The following CTNND2 variants were observed in gnomAD, a reference collection of about 807,000 sequenced individuals.
The protein encoded by CTNND2 is catenin delta 2.
A neutral mutation model predicts 144.4 loss-of-function variants in CTNND2; 22 were observed. That is an observed-to-expected ratio of 0.15 (90% CI 0.11 to 0.22). The LOEUF (loss-of-function observed/expected upper bound fraction) is 0.22. CTNND2 is among the 10% of genes least tolerant of loss of function. The probability of loss-of-function intolerance (pLI) is 1.00; values close to 1 mark genes in which losing one functional copy is unlikely to be tolerated. For synonymous variants in CTNND2, 751 were observed against 695.6 expected (o/e 1.08, Z -1.25); for missense variants, 1,353 against 1,618.8 (o/e 0.84, Z 2.82).
chr5:11,525,298 C>T (rs1188206926), intron 3 of CTNND2, among the ~76,000 whole-genome samples: 2 of 152,074 alleles, frequency 1.3e-5, no homozygotes, highest in East Asian at 3.9e-4. Flanking sequence ...TAGTCCCTTC[C>T]CCAGGAGGCT....
chr5:11,284,278 A>G (rs1312961560), intron 9 of CTNND2, among the ~76,000 whole-genome samples: 1 of 151,528 alleles, frequency 6.6e-6, no homozygotes, highest in Non-Finnish European at 1.5e-5. Context: ...TTTTTATTTT[A>G]TTTTTTTAAG....
At chr5:11,760,533 A>C (rs1308069650) in intron 1 of CTNND2, among the ~76,000 whole-genome samples, 1 of 152,170 alleles carries the variant, frequency 6.6e-6, no homozygotes, top group African/African-American at 2.4e-5. Context: ...GCCACTGAAA[A>C]ATGCCGTGGT....
intron 3 of CTNND2, among the ~76,000 whole-genome samples, chr5:11,541,879 C>T (rs1275394587): frequency 1.4e-5 from 2 of 141,324 alleles, no homozygotes; most frequent in Admixed American, 1.4e-4. Context: ...ACTTTTATTC[C>T]TAATTGCTTC....
In CTNND2 at chr5:11,353,579, C is replaced by T. The variant is rs536581847; in HGVS notation, c.1373-6952G>A. Among the ~76,000 whole-genome samples the T allele has an allele frequency of 3.3e-5, 5 of 152,122 alleles. No individual in the cohort carries two copies. The East Asian group carries it at 7.7e-4, about 24-fold the overall frequency. ...CAGCACTTTGGGAGGCCAAGGTGGGCGGATCACGAGGTCAGGAGTTCGAGA... is the reference window on the plus strand; with the variant it reads ...CAGCACTTTGGGAGGCCAAGGTGGGTGGATCACGAGGTCAGGAGTTCGAGA... On this transcript the variant is annotated intron_variant, in intron 8 of 21. Transcript: ENST00000304623.
At chr5:11,651,753 G>A (rs1477665527) in intron 2 of CTNND2, among the ~76,000 whole-genome samples, 1 of 152,210 alleles carries the variant, frequency 6.6e-6, no homozygotes, top group Non-Finnish European at 1.5e-5. Flanking sequence ...GACCTGCTGG[G>A]TTTCAGACTT....
At chr5:11,160,789 T>C (rs975124991) in intron 11 of CTNND2, among the ~76,000 whole-genome samples, 2 of 152,238 alleles carry the variant, frequency 1.3e-5, no homozygotes, top group Non-Finnish European at 2.9e-5. Flanking sequence ...TGCGATTTTG[T>C]TCCATCTACT....
chr5:11,610,713 A>C (rs1780276261), intron 2 of CTNND2, among the ~76,000 whole-genome samples: 3 of 152,224 alleles, frequency 2.0e-5, no homozygotes, highest in Admixed American at 2.0e-4. Flanking sequence ...AGTTCTATTT[A>C]TCTCTAAGCA....
chr5:11,774,566 A>AAAAG (rs1790144664), intron 1 of CTNND2, among the ~76,000 whole-genome samples: 1 of 150,090 alleles, frequency 6.7e-6, no homozygotes, highest in African/African-American at 2.4e-5. Context: ...AAAATTAAAA[A>AAAAG]AAAAAACAAT....
intron 1 of CTNND2, among the ~76,000 whole-genome samples, chr5:11,801,732 T>G (rs1284096596): frequency 6.6e-6 from 1 of 152,214 alleles, no homozygotes; most frequent in South Asian, 2.1e-4. Flanking sequence ...AGCATCTTTT[T>G]ACTTTAGTAA....
intron 2 of CTNND2, among the ~76,000 whole-genome samples, chr5:11,695,924 T>A (rs1045329585): frequency 2.6e-5 from 4 of 152,356 alleles, no homozygotes; most frequent in Middle Eastern, 3.4e-3. Context: ...CCTTAGACAG[T>A]CTTCAAAAAC....
chr5:11,896,687 C>A lies in CTNND2; in HGVS notation c.37+7130G>T, dbSNP rs73743314. Among the ~76,000 whole-genome samples the A allele has an allele frequency of 3.8e-3, 585 of 152,076 alleles. 2 individuals carry two copies. Among genetic ancestry groups the A allele is most frequent in the African/African-American group, 0.013 (539 of 41,492 alleles). Reference sequence around the variant, plus strand: ...TAGTGGAAAAGTAATATATAAAGAACAAAACTCTTGAAACCCTGACATAAA... The same window carrying A: ...TAGTGGAAAAGTAATATATAAAGAAAAAAACTCTTGAAACCCTGACATAAA... On this transcript the variant is annotated intron_variant, in intron 1 of 21. Coordinates refer to ENST00000304623, the MANE Select transcript of CTNND2 (RefSeq NM_001332.4).
At chr5:11,485,608 G>C (rs1039133702) in intron 3 of CTNND2, among the ~76,000 whole-genome samples, 1 of 152,094 alleles carries the variant, frequency 6.6e-6, no homozygotes, top group African/African-American at 2.4e-5. Flanking sequence ...AAACTCATAG[G>C]CATATGAGAG....
chr5:11,808,567 C>T (rs1307156050), intron 1 of CTNND2, among the ~76,000 whole-genome samples: 2 of 152,188 alleles, frequency 1.3e-5, no homozygotes, highest in Admixed American at 1.3e-4. Context: ...AAGTTGATTT[C>T]TGTTACAACT....
intron 2 of CTNND2, among the ~76,000 whole-genome samples, chr5:11,690,451 A>G (rs1784845460): frequency 2.0e-5 from 3 of 152,168 alleles, no homozygotes; most frequent in African/African-American, 4.8e-5. Flanking sequence ...CTATTCACCT[A>G]CGATATTAGA....
At chr5:11,647,505 C>T (rs1440005553) in intron 2 of CTNND2, among the ~76,000 whole-genome samples, 1 of 151,890 alleles carries the variant, frequency 6.6e-6, no homozygotes, top group African/African-American at 2.4e-5. Flanking sequence ...CCATGCAAGC[C>T]ACTTTGCTGA....
At position 11,882,079 on chromosome 5, in the gene CTNND2, T is replaced by G. The variant is rs73052544; in HGVS notation, c.37+21738A>C. Among the ~76,000 whole-genome samples, 1,009 of 152,170 alleles carry G rather than the reference T, an allele frequency of 6.6e-3. 12 individuals carry two copies. Among genetic ancestry groups the G allele is most frequent in the African/African-American group, 0.023 (971 of 41,546 alleles). ...ACTTGGATTATTATTATTATCATTA[T>G]AACTGCTGTTGAGATTCTTATATAT... On this transcript the variant is annotated intron_variant, in intron 1 of 21. Transcript: ENST00000304623.
At chr5:11,339,379 T>C (rs946856352) in intron 9 of CTNND2, among the ~76,000 whole-genome samples, 10 of 152,086 alleles carry the variant, frequency 6.6e-5, no homozygotes, top group Non-Finnish European at 1.3e-4. Flanking sequence ...ATAAGGCAGA[T>C]GTGACAAAAG....
At chr5:11,434,782 T>G (rs1763609891) in intron 3 of CTNND2, among the ~76,000 whole-genome samples, 1 of 152,212 alleles carries the variant, frequency 6.6e-6, no homozygotes, top group African/African-American at 2.4e-5. Context: ...AGAAAAGGAA[T>G]GCCTCCTATA....
chr5:11,164,355 A>G (rs2149776162), intron 11 of CTNND2, among the ~76,000 whole-genome samples: 1 of 152,326 alleles, frequency 6.6e-6, no homozygotes, highest in South Asian at 2.1e-4. Context: ...CTTCAAAAAT[A>G]ACCTGTTATG....
Sources: gnomAD v4.1 joint callset for allele counts (sites outside exome capture counted in the v4.1 genomes callset) on GRCh38, gnomAD v4.1.1 for gene constraint, MANE v1.5 for transcripts, NCBI Gene and HGNC (gene_info 2026-07-23, HGNC 2026-07-21) for gene names.